The following GINS2 variants were observed in gnomAD, a reference collection of about 807,000 sequenced individuals.
GINS2 encodes DNA replication complex GINS protein PSF2.
Under a neutral mutation model 21.2 loss-of-function variants are expected in GINS2, and 23 were observed. The ratio of observed to expected loss-of-function variants is 1.08; its 90% CI spans 0.78 to 1.53. GINS2 has a LOEUF of 1.53. Among genes scored for constraint, GINS2 ranks in the 40% most tolerant of loss-of-function variants. The pLI is 0.00. For missense variants in GINS2, 323 were observed against 233.9 expected (o/e 1.38, Z -2.49); for synonymous variants, 118 against 85.6 (o/e 1.38, Z -2.09).
At chr16:85,685,670 C>CAAAAAAAA (rs752631926) in intron 2 of GINS2, among the ~76,000 whole-genome samples, 11 of 55,290 alleles carry the variant, frequency 2.0e-4, no homozygotes, top group East Asian at 1.4e-3. Flanking sequence ...GACCCTTTCT[C>CAAAAAAAA]AAAAAAAAAA....
Position 85,678,628 on chromosome 16 carries a change from G to C in GINS2, c.344C>G (p.Thr115Ser), listed in dbSNP as rs766648189. ...DNIPKADEIR[T>S]LVKDMWDTRI... ...AGTGTCCCACATATCCTTGACCAGG[G>C]TCCGGATTTCGTCTGCCTTCGGGAT... is the stretch of plus-strand genomic sequence containing the variant. The change falls in exon 4 of 5, where the codon ACC (threonine) becomes AGC (serine). Residue 115 changes from threonine (T) to serine (S), a missense_variant. Coordinates refer to ENST00000253462, the MANE Select transcript of GINS2 (RefSeq NM_016095.3). 2.5e-6 allele frequency: 4 copies of C among 1,613,656 alleles called. No individual in the cohort carries two copies. In the African/African-American group the frequency reaches 5.3e-5, roughly 22 times the overall value.
rs1051369242 is a variant in GINS2, at chr16:85,676,423, A to G, written c.*1789T>C. Reference sequence around the variant, plus strand: ...AGGCTGAGATGAAAGAACAAGTCCTATGAGCTGAACCAAGTCTGAACAGCA... The same window carrying G: ...AGGCTGAGATGAAAGAACAAGTCCTGTGAGCTGAACCAAGTCTGAACAGCA... On this transcript the variant is annotated 3_prime_UTR_variant, in exon 5 of 5. Coordinates refer to ENST00000253462, the MANE Select transcript of GINS2 (RefSeq NM_016095.3). 1.3e-5 allele frequency: 2 copies of G among 152,230 alleles called. No homozygotes were observed. Among genetic ancestry groups the G allele is most frequent in the African/African-American group, 2.4e-5 (1 of 41,462 alleles). The allele number at this position is 152,230 out of a possible 1,614,324, so 9.4% of individuals were successfully genotyped here.
At chr16:85,683,313 C>G (rs913670605) in intron 2 of GINS2, among the ~76,000 whole-genome samples, 4 of 152,096 alleles carry the variant, frequency 2.6e-5, no homozygotes, top group Non-Finnish European at 5.9e-5. Flanking sequence ...TCTTCACTAC[C>G]TAAACTCATA....
chr16:85,688,862 C>G lies in GINS2; in HGVS notation c.37G>C (p.Glu13Gln). 1.3e-6 allele frequency: 2 copies of G among 1,545,482 alleles called. No homozygotes were observed. Among genetic ancestry groups the G allele is most frequent in the South Asian group, 1.2e-5 (1 of 83,324 alleles). The change falls in exon 1 of 5, where the codon GAG (glutamate) becomes CAG (glutamine). Residue 13 changes from glutamate (E) to glutamine (Q), a missense_variant. Glu to Gln is a conservative substitution (Grantham distance 29). Coordinates refer to ENST00000253462, the MANE Select transcript of GINS2 (RefSeq NM_016095.3). ...AAGTTGGGGATAATGGTAACCAGCT[C>G]CTTCTCGGCGAGGAATTCGACCTCG... is the stretch of plus-strand genomic sequence containing the variant. ...AAEVEFLAEK[E>Q]LVTIIPNFSL...
At position 85,685,670 on chromosome 16, in the gene GINS2, C is replaced by CAA. The variant is rs752631926; in HGVS notation, c.205+1788_205+1789dup. Among the ~76,000 whole-genome samples the CAA allele has an allele frequency of 7.2e-4, 40 of 55,284 alleles. 2 individuals carry two copies. Among genetic ancestry groups the CAA allele is most frequent in the African/African-American group, 1.8e-3 (30 of 16,426 alleles). 36.3% of individuals were successfully genotyped at this position (55,284 alleles called of 152,430 possible). On this transcript the variant is annotated intron_variant, in intron 2 of 4. Transcript: ENST00000253462. Reference sequence around the variant, plus strand: ...TGGGTGACAGAGCAAGACCCTTTCTCAAAAAAAAAAAAAAAAAAAAACCGT... The same window carrying CAA: ...TGGGTGACAGAGCAAGACCCTTTCTCAAAAAAAAAAAAAAAAAAAAAAACCGT...
chr16:85,678,487 T>G lies in GINS2; in HGVS notation c.432+53A>C, dbSNP rs1296780187. 1.9e-6 allele frequency: 3 copies of G among 1,596,612 alleles called. No individual in the cohort carries two copies. The African/African-American group carries it at 4.0e-5, about 21-fold the overall frequency. ...TAATAGCCTCAGCAGACGGGAGCCA[T>G]GTGAAATTATGCGGCATCAAGGCCA... On this transcript the variant is annotated intron_variant, in intron 4 of 4. Coordinates refer to ENST00000253462, the MANE Select transcript of GINS2 (RefSeq NM_016095.3).
chr16:85,686,278 C>T (rs1308952720), intron 2 of GINS2, among the ~76,000 whole-genome samples: 2 of 152,004 alleles, frequency 1.3e-5, no homozygotes, highest in East Asian at 1.9e-4. Flanking sequence ...ATTAGCCGAG[C>T]GTGGTAGCGG....
Position 85,681,492 on chromosome 16 carries a change from C to T in GINS2, c.305+90G>A, listed in dbSNP as rs142875105. 69 of 760,776 alleles carry T rather than the reference C, an allele frequency of 9.1e-5. No homozygotes were observed. The East Asian group carries it at 1.7e-3, about 19-fold the overall frequency. The allele number at this position is 760,776 out of a possible 1,614,324, so 47.1% of individuals were successfully genotyped here. ...TGTTGCCACTTACTGAGGCAATAAG[C>T]AGGGAAGCGGAGAGGAAGGACGAGG... On this transcript the variant is annotated intron_variant, in intron 3 of 4. Coordinates refer to ENST00000253462, the MANE Select transcript of GINS2 (RefSeq NM_016095.3).
intron 3 of GINS2, among the ~76,000 whole-genome samples, chr16:85,680,364 T>A (rs1482561587): frequency 6.6e-6 from 1 of 152,242 alleles, no homozygotes; most frequent in Non-Finnish European, 1.5e-5. Flanking sequence ...CAGCATGCAG[T>A]AGTACTAGTG....
intron 1 of GINS2, 83 bp from the exon 2 acceptor site, chr16:85,687,657 G>T: frequency 1.4e-6 from 1 of 728,426 alleles, no homozygotes; most frequent in Non-Finnish European, 2.2e-6. Flanking sequence ...CAAATAAGAG[G>T]CAAGGCATTG....
In GINS2 at chr16:85,687,566, C is replaced by T. The variant is rs754566627; in HGVS notation, c.99G>A (p.Leu33=). 4.5e-6 allele frequency: 7 copies of T among 1,553,178 alleles called. No homozygotes were observed. The highest frequency in any genetic ancestry group is 6.1e-6 in the Non-Finnish European group (7 of 1,154,254). Residue 33 remains leucine, a synonymous_variant, in exon 2 of 5, where the codon CTG becomes CTA. Coordinates refer to ENST00000253462, the MANE Select transcript of GINS2 (RefSeq NM_016095.3). ...LDKIYLIGGD[L]GPFNPGLPVE... ...CGGGTAAACCAGGGTTAAAAGGCCC[C>T]AGGTCCCCCTGCCAAAAGTAAAACA...
chr16:85,682,701 T>A (rs572872010), intron 2 of GINS2, among the ~76,000 whole-genome samples: 1 of 152,242 alleles, frequency 6.6e-6, no homozygotes, highest in East Asian at 1.9e-4. Flanking sequence ...CTGTATCCAA[T>A]TCCACCAGCA....
intron 1 of GINS2, chr16:85,688,137 T>C (rs1031106297): frequency 6.6e-6 from 1 of 151,122 alleles, no homozygotes; most frequent in Non-Finnish European, 1.5e-5. Context: ...ATCTCAAAGA[T>C]AAAGACAAAA....
At chr16:85,685,680 A>AC (rs201931587) in intron 2 of GINS2, among the ~76,000 whole-genome samples, 1,476 of 147,232 alleles carry the variant, frequency 0.01, 67 homozygotes, top group African/African-American at 0.036. Context: ...CAAAAAAAAA[A>AC]AAAAAAAAAA....
At position 85,677,170 on chromosome 16, in the gene GINS2, C is replaced by A. The variant is rs543497192; in HGVS notation, c.*1042G>T. The stretch of plus-strand genomic sequence containing the variant: ...ACATGCATGAGCCAAGCCAATGTGC[C>A]CGGCCAAAAATTAAAGTTTTTTTTA... On this transcript the variant is annotated 3_prime_UTR_variant, in exon 5 of 5. Transcript: ENST00000253462. The A allele has an allele frequency of 7.9e-5, 12 of 152,106 alleles. No homozygotes were observed. Among genetic ancestry groups the A allele is most frequent in the Non-Finnish European group, 1.5e-4 (10 of 68,032 alleles). 9.4% of individuals were successfully genotyped at this position (152,106 alleles called of 1,614,324 possible). A position where few individuals can be genotyped will look rare whatever the true frequency, so the allele number is the denominator to read the frequency against.
At chr16:85,679,364 G>T (rs1268826756) in intron 3 of GINS2, among the ~76,000 whole-genome samples, 1 of 152,220 alleles carries the variant, frequency 6.6e-6, no homozygotes, top group Non-Finnish European at 1.5e-5. Context: ...CTCCCGTTGT[G>T]AAGTATTTTA....
intron 3 of GINS2, among the ~76,000 whole-genome samples, chr16:85,680,191 G>T (rs538405829): frequency 7.9e-5 from 12 of 152,296 alleles, no homozygotes; most frequent in African/African-American, 2.4e-4. Flanking sequence ...CGCCACTGCC[G>T]AGTGGAATGC....
chr16:85,687,736 T>G (rs1598764185), intron 1 of GINS2, 162 bp from the exon 2 acceptor site: 1 of 422,386 alleles, frequency 2.4e-6, no homozygotes, highest in Non-Finnish European at 4.4e-6. Context: ...AAGCGCCTCC[T>G]GAGCGGCTCC....
intron 2 of GINS2, among the ~76,000 whole-genome samples, chr16:85,682,901 A>G (rs1281311409): frequency 6.6e-6 from 1 of 151,998 alleles, no homozygotes; most frequent in African/African-American, 2.4e-5. Context: ...TCCTGGCCCA[A>G]TTCCTTGGTC....
Sources: allele counts gnomAD v4.1 joint callset (sites outside exome capture counted in the v4.1 genomes callset), GRCh38; gene constraint gnomAD v4.1.1; transcripts MANE v1.5; gene names NCBI Gene and HGNC (gene_info 2026-07-23, HGNC 2026-07-21).